PTPRG: variants seen among roughly 807,000 people sequenced by gnomAD.
The protein encoded by PTPRG is protein tyrosine phosphatase receptor type G, also known as receptor-type tyrosine-protein phosphatase gamma.
PTPRG carries 102 observed loss-of-function variants against 165.3 expected under a neutral mutation model. The ratio of observed to expected loss-of-function variants is 0.62; its 90% CI spans 0.53 to 0.73. PTPRG has a LOEUF of 0.73. Among genes scored for constraint, PTPRG ranks in the 30% least tolerant of loss-of-function variants. PTPRG has a pLI of 0.00. For missense variants in PTPRG, 1,866 were observed against 1,861.4 expected (o/e 1.00, Z -0.05); for synonymous variants, 675 against 669.5 (o/e 1.01, Z -0.13).
rs144474329 is a variant in PTPRG at position 61,703,316 on chromosome 3, A to G, written c.86-45562A>G. 5.0e-3 allele frequency among the ~76,000 whole-genome samples: 758 copies of G among 152,336 alleles called. 8 individuals carry two copies. Among genetic ancestry groups the G allele is most frequent in the African/African-American group, 0.017 (716 of 41,558 alleles). On this transcript the variant is annotated intron_variant, in intron 1 of 29. Transcript: ENST00000474889. ...TAGATAAAGGACATCAGAAGAATGC[A>G]TCTTATCAGTATTGATTTAGCCGAA...
At chr3:61,813,326 C>CT (rs1575684753) in intron 2 of PTPRG, among the ~76,000 whole-genome samples, 1 of 86,350 alleles carries the variant, frequency 1.2e-5, no homozygotes. Context: ...CCCATGATTA[C>CT]TAAAAAAAAA....
At chr3:61,863,983 T>C (rs75380511) in intron 2 of PTPRG, among the ~76,000 whole-genome samples, 1,763 of 152,322 alleles carry the variant, frequency 0.012, 36 homozygotes, top group African/African-American at 0.04. Context: ...AGAATAGTGC[T>C]GGAGCCAGAT....
intron 4 of PTPRG, among the ~76,000 whole-genome samples, chr3:62,017,928 T>C (rs2041592342): frequency 6.6e-6 from 1 of 152,172 alleles, no homozygotes; most frequent in African/African-American, 2.4e-5. Flanking sequence ...TCAGTTTCAT[T>C]CATGAGCCAA....
chr3:61,671,963 C>T (rs540436551), intron 1 of PTPRG, among the ~76,000 whole-genome samples: 14 of 130,272 alleles, frequency 1.1e-4, no homozygotes, highest in African/African-American at 3.0e-4. Context: ...ACTTCCCAGA[C>T]GGGGTGGCTG....
intron 2 of PTPRG, among the ~76,000 whole-genome samples, chr3:61,802,960 C>T (rs1221736973): frequency 6.6e-6 from 1 of 152,218 alleles, no homozygotes; most frequent in Non-Finnish European, 1.5e-5. Flanking sequence ...TTATAGGGAA[C>T]TGTTAATGTT....
chr3:61,788,495 TG>T (rs2034777651), intron 2 of PTPRG, among the ~76,000 whole-genome samples: 1 of 152,258 alleles, frequency 6.6e-6, no homozygotes, highest in Admixed American at 6.5e-5. Context: ...TTTCTCACAA[TG>T]ACAAATTCTC....
chr3:61,965,485 C>T (rs1173748241), intron 2 of PTPRG, among the ~76,000 whole-genome samples: 4 of 89,908 alleles, frequency 4.4e-5, no homozygotes, highest in Non-Finnish European at 8.7e-5. Context: ...AAGACTCCGT[C>T]TCAAAAAAAA....
At chr3:61,564,916 G>T (rs1668398237) in intron 1 of PTPRG, among the ~76,000 whole-genome samples, 1 of 152,246 alleles carries the variant, frequency 6.6e-6, no homozygotes. Context: ...GGGGGCTGGA[G>T]TTAGCCTTGG....
chr3:62,057,541 G>C (rs17065829), intron 4 of PTPRG, among the ~76,000 whole-genome samples: 15,630 of 152,184 alleles, frequency 0.1, 1,021 homozygotes, highest in Admixed American at 0.2. Context: ...CCAGTAATGT[G>C]GTTGTGTACA....
intron 4 of PTPRG, among the ~76,000 whole-genome samples, chr3:62,067,087 C>T (rs78602721): frequency 6.6e-6 from 1 of 150,964 alleles, no homozygotes; most frequent in Non-Finnish European, 1.5e-5. Context: ...GTTTCAAGCT[C>T]CCTCACAGCA....
intron 4 of PTPRG, among the ~76,000 whole-genome samples, chr3:62,076,426 G>T (rs183376975): frequency 5.5e-4 from 84 of 152,286 alleles, no homozygotes; most frequent in African/African-American, 1.9e-3. Flanking sequence ...GGAAATACTT[G>T]ACTTTATGCC....
At chr3:62,221,082 A>AATCCTTC (rs1163871925) in intron 13 of PTPRG, among the ~76,000 whole-genome samples, 1 of 152,230 alleles carries the variant, frequency 6.6e-6, no homozygotes, top group Non-Finnish European at 1.5e-5. Context: ...CATGTAGTAA[A>AATCCTTC]CAGCTTTAAA....
At chr3:61,972,658 CT>C (rs60516628) in intron 2 of PTPRG, among the ~76,000 whole-genome samples, 80 of 137,660 alleles carry the variant, frequency 5.8e-4, no homozygotes, top group Non-Finnish European at 6.6e-4. Context: ...TTTTTCTTTT[CT>C]TTTTTTTTTT....
At position 62,195,204 on chromosome 3, in the gene PTPRG, C is replaced by G. The variant is rs759764979; in HGVS notation, c.1327+34C>G. On this transcript the variant is annotated intron_variant, in intron 10 of 29. Coordinates refer to ENST00000474889, the MANE Select transcript of PTPRG (RefSeq NM_002841.4). This position sits in a 1 kb window ranked among gnomAD's most constrained non-coding sequence, Gnocchi z 4.4. ...GGCTTCCCCTCCTGTGGCCGGGGTG[C>G]CCCTGAGACTCCCTCCCAATGCTTT... 6.4e-7 allele frequency: 1 copy of G among 1,558,332 alleles called. No individual in the cohort carries two copies. The highest frequency in any genetic ancestry group is 2.2e-5 in the East Asian group (1 of 44,598).
chr3:62,003,071 G>T (rs1338565239), intron 3 of PTPRG, among the ~76,000 whole-genome samples: 1 of 149,966 alleles, frequency 6.7e-6, no homozygotes, highest in Non-Finnish European at 1.5e-5. Context: ...TTCTGTCATT[G>T]TTTCCATTTT....
intron 2 of PTPRG, among the ~76,000 whole-genome samples, chr3:61,955,303 C>T (rs748202142): frequency 1.6e-4 from 24 of 152,084 alleles, no homozygotes; most frequent in Non-Finnish European, 2.6e-4. Context: ...TTTTCTCTTA[C>T]GCGAAGTAAA....
At chr3:62,231,446 C>T in intron 14 of PTPRG, 135 bp downstream of exon 14, 1 of 545,158 alleles carries the variant, frequency 1.8e-6, no homozygotes, top group South Asian at 6.0e-5. Context: ...TACCTGAATT[C>T]CCAAAAGTAA....
chr3:61,880,810 A>G (rs1398601139), intron 2 of PTPRG, among the ~76,000 whole-genome samples: 1 of 152,156 alleles, frequency 6.6e-6, no homozygotes, highest in East Asian at 1.9e-4. Context: ...CCTATGGACC[A>G]CGGTAACGTG....
intron 1 of PTPRG, among the ~76,000 whole-genome samples, chr3:61,712,166 T>G (rs1467829485): frequency 6.6e-6 from 1 of 152,174 alleles, no homozygotes; most frequent in Non-Finnish European, 1.5e-5. Context: ...AGTGCTAGGA[T>G]TACAGGTGTG....
Sources: gnomAD v4.1 joint callset for allele counts (sites outside exome capture counted in the v4.1 genomes callset) on GRCh38, gnomAD v4.1.1 for gene constraint, Gnocchi (gnomAD v3.1) non-coding constraint, MANE v1.5 for transcripts, NCBI Gene and HGNC (gene_info 2026-07-23, HGNC 2026-07-21) for gene names.